The following MEGF6 variants were observed in gnomAD, a reference collection of about 807,000 sequenced individuals.
MEGF6 encodes multiple epidermal growth factor-like domains protein 6.
Under a neutral mutation model 207.1 loss-of-function variants are expected in MEGF6, and 184 were observed. That is an observed-to-expected ratio of 0.89 (90% CI 0.79 to 1.00). MEGF6 has a LOEUF of 1.00. Ranked by LOEUF, MEGF6 falls within the 50% of genes least tolerant of loss-of-function variation. The pLI is 0.00. For synonymous variants in MEGF6, 1,038 were observed against 910.0 expected, an observed-to-expected ratio of 1.14 and a Z score of -2.53; for missense variants, 2,282 against 2,202.9, an observed-to-expected ratio of 1.04 and a Z score of -0.72.
At chr1:3,602,383 C>A (rs1644174112) in intron 2 of MEGF6, 83 bp downstream of exon 2, 9 of 1,587,990 alleles carry the variant, frequency 5.7e-6, no homozygotes, top group Non-Finnish European at 6.9e-6. Context: ...GGGGTCCTGG[C>A]CTCAGCTGCC....
intron 7 of MEGF6, among the ~76,000 whole-genome samples, chr1:3,514,132 C>A (rs1641451840): frequency 6.6e-6 from 1 of 151,954 alleles, no homozygotes; most frequent in African/African-American, 2.4e-5. Context: ...CCTGTAGTCC[C>A]AGCTGCTGGG....
At position 3,507,924 on chromosome 1, in the gene MEGF6, C is replaced by T; in HGVS notation, c.1661-1G>A. The T allele has an allele frequency of 1.2e-6, 2 of 1,609,690 alleles. No individual in the cohort carries two copies. Among genetic ancestry groups the T allele is most frequent in the South Asian group, 1.1e-5 (1 of 90,960 alleles). ...TTCCCAAAGGTGTCCGGAGGACAAG[C>T]TACAAAGAATGACAGGGAAGCGTCA... On this transcript the variant is annotated splice_acceptor_variant, in intron 13 of 36. Transcript: ENST00000356575. LOFTEE classifies it high-confidence loss of function.
chr1:3,497,457 A>G (rs752465981), intron 26 of MEGF6, 96 bp from the exon 27 acceptor site: 1 of 1,374,208 alleles, frequency 7.3e-7, no homozygotes, highest in Non-Finnish European at 9.7e-7. Flanking sequence ...GGTACGACCC[A>G]CCCAATGCTG....
chr1:3,508,107 T>C (rs1051720728), intron 13 of MEGF6, among the ~76,000 whole-genome samples, 184 bp from the exon 14 acceptor site: 36 of 152,238 alleles, frequency 2.4e-4, no homozygotes, highest in African/African-American at 7.7e-4. Context: ...CTCCTCTCTC[T>C]GAACACCAGC....
chr1:3,524,129 C>G lies in MEGF6; in HGVS notation c.599G>C (p.Cys200Ser). ...GGTCTCCAGGCGACACTCACCCAGG[C>G]AGGTCCTGCTGTCAGTGTGGAGCCG... ...GFRLHTDSRT[C>S]LAINSCALGN... Residue 200 changes from cysteine (C) to serine (S), a missense_variant, in exon 5 of 37, where the codon TGC becomes TCC. Transcript: ENST00000356575. 1.9e-6 allele frequency: 3 copies of G among 1,611,880 alleles called. No homozygotes were observed. In the South Asian group the frequency reaches 3.3e-5, roughly 18 times the overall value.
At chr1:3,540,533 C>T (rs570770230) in intron 4 of MEGF6, among the ~76,000 whole-genome samples, 34 of 152,330 alleles carry the variant, frequency 2.2e-4, no homozygotes, top group Middle Eastern at 3.4e-3. Context: ...TCTTTCCCTG[C>T]GAGGGCAGCC....
At chr1:3,575,621 G>A (rs556782159) in intron 4 of MEGF6, among the ~76,000 whole-genome samples, 123 of 91,994 alleles carry the variant, frequency 1.3e-3, no homozygotes, top group South Asian at 6.1e-3. Context: ...AGGCAAGGAG[G>A]AGCAAGTCAC....
intron 23 of MEGF6, 45 bp downstream of exon 23, chr1:3,499,543 C>A (rs200731511): frequency 6.8e-5 from 105 of 1,548,230 alleles, no homozygotes; most frequent in Non-Finnish European, 8.7e-5. Flanking sequence ...GAGGACCTGG[C>A]ACCCCCTCCT....
chr1:3,508,094 T>C (rs933131552), intron 13 of MEGF6, among the ~76,000 whole-genome samples, 171 bp from the exon 14 acceptor site: 7 of 152,110 alleles, frequency 4.6e-5, no homozygotes, highest in Non-Finnish European at 2.9e-5. Context: ...AATTGATCAC[T>C]GACTCCTCTC....
At chr1:3,498,999 C>T in intron 24 of MEGF6, 139 bp downstream of exon 24, 1 of 1,412,158 alleles carries the variant, frequency 7.1e-7, no homozygotes, top group South Asian at 1.4e-5. Flanking sequence ...GAGAGGGGCA[C>T]AGGTGAAAGG....
intron 5 of MEGF6, among the ~76,000 whole-genome samples, chr1:3,521,428 C>T (rs752670117): frequency 1.3e-5 from 2 of 152,192 alleles, no homozygotes; most frequent in Non-Finnish European, 2.9e-5. Flanking sequence ...CAGGCCCAGG[C>T]CGAGCTGCCG....
chr1:3,519,924 C>T (rs1184852944), intron 5 of MEGF6, among the ~76,000 whole-genome samples: 1 of 152,204 alleles, frequency 6.6e-6, no homozygotes, highest in Non-Finnish European at 1.5e-5. Flanking sequence ...GGCTGGGAGG[C>T]CACCCCCAGC....
At chr1:3,551,599 C>T (rs1205719331) in intron 4 of MEGF6, among the ~76,000 whole-genome samples, 1 of 152,168 alleles carries the variant, frequency 6.6e-6, no homozygotes, top group Non-Finnish European at 1.5e-5. Context: ...CCAGCTCCCA[C>T]CCTCTCAGTG....
At chr1:3,618,594 A>G in the MEGF6 span, among the ~76,000 whole-genome samples, 101 of 152,112 alleles carry the variant, frequency 6.6e-4, 2 homozygotes, top group Admixed American at 3.5e-3. The surrounding 1 kb of genome is among the most constrained non-coding windows in gnomAD (Gnocchi z 4.7). Flanking sequence ...ACCCATCCGA[A>G]AGGCCCCTTC....
At position 3,490,576 on chromosome 1, in the gene MEGF6, G is replaced by C. The variant is rs762723979; in HGVS notation, c.4578C>G (p.Pro1526=). 8 of 1,613,280 alleles carry C rather than the reference G, an allele frequency of 5.0e-6. No individual in the cohort carries two copies. Among genetic ancestry groups the C allele is most frequent in the Non-Finnish European group, 6.8e-6 (8 of 1,179,882 alleles). ...TCCGGGATGTGGGTCTGCTGGAGGCGGGCAGTGTGCCCGCTGGGGAAAAGG... is the reference window on the plus strand; with the variant it reads ...TCCGGGATGTGGGTCTGCTGGAGGCCGGCAGTGTGCCCGCTGGGGAAAAGG... The part of the protein sequence containing the change: ...SLAQGSAGTL[P]ASSRPTSRSG... The change falls in exon 37 of 37, where the codon CCC becomes CCG. Residue 1526 remains proline, a synonymous_variant. Transcript: ENST00000356575.
At chr1:3,517,472 C>T (rs533572903) in intron 5 of MEGF6, among the ~76,000 whole-genome samples, 7 of 152,372 alleles carry the variant, frequency 4.6e-5, no homozygotes, top group South Asian at 2.1e-4. Context: ...TGTGCGCAGC[C>T]GGGAGCCAAG....
At chr1:3,580,661 G>A (rs2821049) in intron 3 of MEGF6, among the ~76,000 whole-genome samples, 98,170 of 151,902 alleles carry the variant, frequency 0.65, 34,631 homozygotes, top group Non-Finnish European at 0.78. Context: ...AGGCTGGACC[G>A]GGTGCCCCCC....
upstream of MEGF6, among the ~76,000 whole-genome samples, chr1:3,611,954 C>T (rs137957652): frequency 3.9e-4 from 60 of 152,242 alleles, 2 homozygotes; most frequent in East Asian, 0.012. Flanking sequence ...TCTCAGGAGA[C>T]AGCCCTCAGC....
At position 3,560,243 on chromosome 1, in the gene MEGF6, C is replaced by T. The variant is rs1034385490; in HGVS notation, c.481+19582G>A. Among the ~76,000 whole-genome samples, 3 of 152,056 alleles carry T rather than the reference C, an allele frequency of 2.0e-5. No individual in the cohort carries two copies. Among genetic ancestry groups the T allele is most frequent in the African/African-American group, 7.2e-5 (3 of 41,386 alleles). ...TCCTTCTCCCAACACACATAATTTC[C>T]TGTATCATTCAATCCTCCATTGGAA... is the stretch of plus-strand genomic sequence containing the variant. On this transcript the variant is annotated intron_variant, in intron 4 of 36. Coordinates refer to ENST00000356575, the MANE Select transcript of MEGF6 (RefSeq NM_001409.4). The surrounding 1 kb of genome is among the most constrained non-coding windows in gnomAD (Gnocchi z 4.0).
Sources: allele counts gnomAD v4.1 joint callset (sites outside exome capture counted in the v4.1 genomes callset), GRCh38; gene constraint gnomAD v4.1.1; non-coding constraint Gnocchi (gnomAD v3.1); transcripts MANE v1.5; gene names NCBI Gene and HGNC (gene_info 2026-07-23, HGNC 2026-07-21).